DCAF17: variants seen among roughly 807,000 people sequenced by gnomAD.
The protein encoded by DCAF17 is DDB1 and CUL4 associated factor 17.
Under a neutral mutation model 66.0 loss-of-function variants are expected in DCAF17, and 48 were observed. That is an observed-to-expected ratio of 0.73 (90% CI 0.58 to 0.92). The LOEUF is 0.92. Among genes scored for constraint, DCAF17 ranks in the 40% least tolerant of loss-of-function variants. DCAF17 has a pLI of 0.00. For synonymous variants in DCAF17, 206 were observed against 214.6 expected, an observed-to-expected ratio of 0.96 and a Z score of 0.35; for missense variants, 562 against 622.8, an observed-to-expected ratio of 0.90 and a Z score of 1.04.
At position 171,473,954 on chromosome 2, in the gene DCAF17, A is replaced by C. The variant is rs890180094; in HGVS notation, c.1070A>C (p.His357Pro). ...CCTGATGCTTCTGGTAGAATAATAC[A>C]TGTTGGTCCAAATCAAGTCAAGTGA... ...FHPDASGRII[H>P]VGPNQVKVLK... The change falls in exon 10 of 14, where the codon CAT becomes CCT. Residue 357 changes from histidine (H) to proline (P), a missense_variant. By Grantham distance (77) the His-to-Pro change is moderately conservative. This residue lies in a region of DCAF17 where 201 missense variants were observed against 231.1 expected (regional missense o/e 0.87). Coordinates refer to ENST00000375255, the MANE Select transcript of DCAF17 (RefSeq NM_025000.4). 1 of 1,613,624 alleles carries C rather than the reference A, an allele frequency of 6.2e-7. No homozygotes were observed. The highest frequency in any genetic ancestry group is 1.7e-5 in the Admixed American group (1 of 59,986).
At chr2:171,444,906 A>G (rs1466058132) in intron 3 of DCAF17, among the ~76,000 whole-genome samples, 1 of 152,136 alleles carries the variant, frequency 6.6e-6, no homozygotes, top group Non-Finnish European at 1.5e-5. Context: ...TTGTCTGTTC[A>G]CTGAAGGCTC....
intron 10 of DCAF17, 100 bp from the exon 11 acceptor site, chr2:171,476,760 T>C (rs1410044643): frequency 2.5e-6 from 2 of 791,734 alleles, no homozygotes; most frequent in Non-Finnish European, 4.4e-6. Flanking sequence ...TCAGTGTTAC[T>C]ATAATTTTTA....
At position 171,470,032 on chromosome 2, in the gene DCAF17, T is replaced by G. The variant is rs1269672251; in HGVS notation, c.981+1002T>G. On this transcript the variant is annotated intron_variant, in intron 9 of 13. Transcript: ENST00000375255. ...TGCAACACTACTTTTATTTTATATT[T>G]ATTTATTTAGAGACAGAGTCTCACT... Among the ~76,000 whole-genome samples the G allele has an allele frequency of 2.0e-5, 3 of 152,270 alleles. No individual in the cohort carries two copies. In the East Asian group the frequency reaches 5.8e-4, roughly 29 times the overall value.
At chr2:171,462,756 T>TA (rs1265814315) in intron 8 of DCAF17, among the ~76,000 whole-genome samples, 1 of 152,206 alleles carries the variant, frequency 6.6e-6, no homozygotes, top group Non-Finnish European at 1.5e-5. Context: ...AATGTACAAT[T>TA]AAAACATTGT....
At position 171,434,840 on chromosome 2, in the gene DCAF17, G is replaced by A. The variant is rs974875982; in HGVS notation, c.126+137G>A. ...TGATGGGGAGGAGGATACAAGCCCG[G>A]AATCTGGGATAGGTGGTAATAGGGC... On this transcript the variant is annotated intron_variant, in intron 1 of 13. Transcript: ENST00000375255. The A allele has an allele frequency of 8.2e-6, 11 of 1,338,576 alleles. No individual in the cohort carries two copies. The African/African-American group carries it at 1.6e-4, about 20-fold the overall frequency. 82.9% of individuals were successfully genotyped at this position (1,338,576 alleles called of 1,614,324 possible). A position where few individuals can be genotyped will look rare whatever the true frequency, so the allele number is the denominator to read the frequency against.
At chr2:171,437,215 T>A (rs1694025024) in intron 2 of DCAF17, among the ~76,000 whole-genome samples, 1 of 152,234 alleles carries the variant, frequency 6.6e-6, no homozygotes, top group Admixed American at 6.5e-5. Flanking sequence ...GGGTTTATAG[T>A]TTTAGCTCAT....
chr2:171,459,040 T>A (rs1695425668), intron 8 of DCAF17, among the ~76,000 whole-genome samples: 2 of 152,218 alleles, frequency 1.3e-5, no homozygotes, highest in South Asian at 4.1e-4. Flanking sequence ...CCAGGCATGG[T>A]GGCTCATGCC....
chr2:171,472,935 C>A, intron 9 of DCAF17: 1 of 333,920 alleles, frequency 3.0e-6, no homozygotes, highest in South Asian at 2.7e-5. Flanking sequence ...GATGTTCGTT[C>A]CCAGTGCTTC....
At chr2:171,466,272 C>T (rs190485579) in intron 8 of DCAF17, among the ~76,000 whole-genome samples, 1 of 152,262 alleles carries the variant, frequency 6.6e-6, no homozygotes, top group East Asian at 1.9e-4. Flanking sequence ...TGTAGCCCTT[C>T]TTCTTTGATA....
At chr2:171,441,968 A>G (rs1464837833) in intron 2 of DCAF17, among the ~76,000 whole-genome samples, 1 of 152,208 alleles carries the variant, frequency 6.6e-6, no homozygotes, top group Non-Finnish European at 1.5e-5. Flanking sequence ...ATGAGCAACA[A>G]TTCTTCAGGA....
At chr2:171,475,656 A>C (rs1696463183) in intron 10 of DCAF17, among the ~76,000 whole-genome samples, 1 of 152,164 alleles carries the variant, frequency 6.6e-6, no homozygotes, top group South Asian at 2.1e-4. Context: ...TTAGCTCCTC[A>C]GGAGTCTGGG....
At position 171,468,468 on chromosome 2, in the gene DCAF17, T is replaced by A. The variant is rs182700407; in HGVS notation, c.839-420T>A. The stretch of plus-strand genomic sequence containing the variant: ...GATCTCTTCCTCACATTTGAAGGCA[T>A]TATTAGACCTAATTACCTTGTAGGA... On this transcript the variant is annotated intron_variant, in intron 8 of 13. Transcript: ENST00000375255. Among the ~76,000 whole-genome samples, 451 of 152,260 alleles carry A rather than the reference T, an allele frequency of 3.0e-3. 4 individuals are homozygous for A. Among genetic ancestry groups the A allele is most frequent in the African/African-American group, 0.01 (431 of 41,546 alleles).
chr2:171,481,352 G>T lies in DCAF17; in HGVS notation c.*238G>T, dbSNP rs1217608968. On this transcript the variant is annotated 3_prime_UTR_variant, in exon 14 of 14. Transcript: ENST00000375255. Reference sequence around the variant, plus strand: ...AAGAAGTTTAGTGTTTTGCAGCTTTGAGCTAGGTGGTAATGCAAATATAAA... The same window carrying T: ...AAGAAGTTTAGTGTTTTGCAGCTTTTAGCTAGGTGGTAATGCAAATATAAA... 1.7e-6 allele frequency: 1 copy of T among 589,560 alleles called. No individual in the cohort carries two copies. Among genetic ancestry groups the T allele is most frequent in the Non-Finnish European group, 3.2e-6 (1 of 316,302 alleles). 36.5% of individuals were successfully genotyped at this position (589,560 alleles called of 1,614,324 possible). A position where few individuals can be genotyped will look rare whatever the true frequency, so the allele number is the denominator to read the frequency against.
intron 2 of DCAF17, among the ~76,000 whole-genome samples, chr2:171,442,563 C>CAAAAAAAA (rs1176443561): frequency 2.1e-4 from 13 of 60,526 alleles, no homozygotes; most frequent in East Asian, 5.0e-4. Flanking sequence ...GACTCCATCT[C>CAAAAAAAA]AAAAAAAAAA....
chr2:171,484,963 G>T lies in DCAF17; in HGVS notation c.*3849G>T, dbSNP rs1378774401. ...CTTTCGTATGAATATATCACAGTTT[G>T]TTTTTTTATCTTTCTGTTGATGGAC... On this transcript the variant is annotated 3_prime_UTR_variant, in exon 14 of 14. Transcript: ENST00000375255. 2.2e-6 allele frequency: 1 copy of T among 453,784 alleles called. No individual in the cohort carries two copies. The highest frequency in any genetic ancestry group is 4.4e-6 in the Non-Finnish European group (1 of 226,696). 28.1% of individuals were successfully genotyped at this position (453,784 alleles called of 1,614,324 possible).
At chr2:171,466,311 G>A (rs1695895933) in intron 8 of DCAF17, among the ~76,000 whole-genome samples, 1 of 152,132 alleles carries the variant, frequency 6.6e-6, no homozygotes, top group South Asian at 2.1e-4. Context: ...TATGCTTTAT[G>A]TTAAAATTGT....
At chr2:171,457,859 C>T in intron 6 of DCAF17, 112 bp from the exon 7 acceptor site, 1 of 869,116 alleles carries the variant, frequency 1.2e-6, no homozygotes. Context: ...TGCTAGGCGG[C>T]AGTGTTATCA....
chr2:171,477,071 T>A (rs1282543100), intron 11 of DCAF17, 121 bp downstream of exon 11: 2 of 746,940 alleles, frequency 2.7e-6, no homozygotes, highest in Non-Finnish European at 4.5e-6. Flanking sequence ...TATAAAAGTC[T>A]GTACATTTTG....
rs3821084 is a variant in DCAF17 at position 171,481,790 on chromosome 2, T to G, written c.*676T>G. ...TTCTATATAGGCTAATGTAAAAGATTCCAAGCAAACCTTAAGTGAAATTGT... is the reference window on the plus strand; with the variant it reads ...TTCTATATAGGCTAATGTAAAAGATGCCAAGCAAACCTTAAGTGAAATTGT... On this transcript the variant is annotated 3_prime_UTR_variant, in exon 14 of 14. Transcript: ENST00000375255. 100,030 of 453,182 alleles carry G rather than the reference T, an allele frequency of 0.22. 11,870 individuals carry two copies. The highest frequency in any genetic ancestry group is 0.32 in the Admixed American group (13,676 of 42,444). The allele number at this position is 453,182 out of a possible 1,614,324, so 28.1% of individuals were successfully genotyped here. A position where few individuals can be genotyped will look rare whatever the true frequency, so the allele number is the denominator to read the frequency against.
Sources: allele counts gnomAD v4.1 joint callset (sites outside exome capture counted in the v4.1 genomes callset), GRCh38; gene constraint gnomAD v4.1.1; regional missense constraint gnomAD v4.1.1; transcripts MANE v1.5; gene names NCBI Gene and HGNC (gene_info 2026-07-23, HGNC 2026-07-21).